The following PRKN variants were observed in gnomAD, a reference collection of about 807,000 sequenced individuals.
PRKN encodes the protein E3 ubiquitin-protein ligase parkin.
A neutral mutation model predicts 59.5 loss-of-function variants in PRKN; 56 were observed. The ratio of observed to expected loss-of-function variants is 0.94; its 90% CI spans 0.76 to 1.18. The LOEUF (loss-of-function observed/expected upper bound fraction) is 1.18, where lower values mean the gene tolerates loss of function less well. Ranked by LOEUF, PRKN falls within the 50% of genes most tolerant of loss-of-function variation. The probability of loss-of-function intolerance (pLI) is 0.00; values close to 1 mark genes in which losing one functional copy is unlikely to be tolerated. For missense variants in PRKN, 657 were observed against 596.4 expected (o/e 1.10, Z -1.06); for synonymous variants, 250 against 222.1 (o/e 1.13, Z -1.12).
At chr6:161,779,415 T>G (rs1215096678) in intron 7 of PRKN, among the ~76,000 whole-genome samples, 1 of 140,420 alleles carries the variant, frequency 7.1e-6, no homozygotes, top group Non-Finnish European at 1.5e-5. Flanking sequence ...TTTCTTTTCT[T>G]TTTTTTCTCT....
intron 6 of PRKN, among the ~76,000 whole-genome samples, chr6:161,883,652 TTTTA>T (rs1795026292): frequency 1.3e-5 from 2 of 152,078 alleles, no homozygotes; most frequent in Middle Eastern, 3.4e-3. Flanking sequence ...TTATTTTTAT[TTTTA>T]TTTTTTTTAT....
intron 2 of PRKN, among the ~76,000 whole-genome samples, chr6:162,312,052 C>T (rs971327690): frequency 4.6e-5 from 7 of 151,934 alleles, no homozygotes; most frequent in African/African-American, 9.7e-5. Flanking sequence ...AATCTTGCTT[C>T]GCAAACAGAA....
intron 1 of PRKN, among the ~76,000 whole-genome samples, chr6:162,704,616 G>A (rs1778273577): frequency 6.6e-6 from 1 of 152,150 alleles, no homozygotes; most frequent in Non-Finnish European, 1.5e-5. Context: ...GGGACAATCA[G>A]CTAAGAAATT....
rs185565817 is a variant in PRKN, at chr6:162,198,827, T to C, written c.534+2304A>G. On this transcript the variant is annotated intron_variant, in intron 4 of 11. Coordinates refer to ENST00000366898, the MANE Select transcript of PRKN (RefSeq NM_004562.3). ...CTGAGGATTACGACATGTCAGGCTC[T>C]GGTAAGTACCTACTATTAATGTACC... Among the ~76,000 whole-genome samples the C allele has an allele frequency of 1.3e-3, 201 of 152,272 alleles. 1 individual carries two copies. Among genetic ancestry groups the C allele is most frequent in the Admixed American group, 2.7e-3 (42 of 15,290 alleles).
In PRKN at chr6:161,352,726, AGTGT is replaced by A. The variant is rs373703677; in HGVS notation, c.1286-2519_1286-2516del. On this transcript the variant is annotated intron_variant, in intron 11 of 11. Coordinates refer to ENST00000366898, the MANE Select transcript of PRKN (RefSeq NM_004562.3). The surrounding 1 kb of genome is among the most constrained non-coding windows in gnomAD (Gnocchi z 5.8). ...TATATAAACACAAATATGTATGAAG[AGTGT>A]GTGTGTGTGTGTGTGTGTGTGTGTG... Among the ~76,000 whole-genome samples the A allele has an allele frequency of 5.8e-3, 745 of 128,510 alleles. 2 individuals carry two copies. Among genetic ancestry groups the A allele is most frequent in the Non-Finnish European group, 9.1e-3 (556 of 61,060 alleles). 84.3% of individuals were successfully genotyped at this position (128,510 alleles called of 152,430 possible).
chr6:162,003,573 A>C (rs1331214010), intron 5 of PRKN, among the ~76,000 whole-genome samples: 2 of 152,116 alleles, frequency 1.3e-5, no homozygotes. Context: ...TGCTGAGTTC[A>C]ACTATGTCCT....
In PRKN at chr6:161,458,498, A is replaced by C. The variant is rs1177911412; in HGVS notation, c.1084-71621T>G. Among the ~76,000 whole-genome samples, 1 of 152,176 alleles carries C rather than the reference A, an allele frequency of 6.6e-6. No individual in the cohort carries two copies. On this transcript the variant is annotated intron_variant, in intron 9 of 11. Transcript: ENST00000366898. The surrounding 1 kb of genome is among the most constrained non-coding windows in gnomAD (Gnocchi z 6.1). ...CTCCTAAAATGTCTGCATGCTGTTT[A>C]CTGCAGAGCCAGTGTTTGAACCAAA...
intron 4 of PRKN, among the ~76,000 whole-genome samples, chr6:162,179,841 A>T (rs1424769066): frequency 6.6e-6 from 1 of 152,160 alleles, no homozygotes; most frequent in Admixed American, 6.5e-5. Context: ...ACTACCAAGC[A>T]GCAAACAGAT....
chr6:162,726,869 C>T (rs1316020362), intron 1 of PRKN, among the ~76,000 whole-genome samples: 1 of 152,092 alleles, frequency 6.6e-6, no homozygotes, highest in African/African-American at 2.4e-5. Context: ...TCAGGGATAG[C>T]CCCTAAAGTA....
chr6:161,769,772 C>A (rs4708931), intron 7 of PRKN, among the ~76,000 whole-genome samples: 140,679 of 152,162 alleles, frequency 0.92, 65,233 homozygotes, highest in Middle Eastern at 0.97. Flanking sequence ...AGATATGGAC[C>A]AGGCCCAGTG....
At chr6:161,779,451 T>G (rs1790108479) in intron 7 of PRKN, among the ~76,000 whole-genome samples, 3 of 100,194 alleles carry the variant, frequency 3.0e-5, no homozygotes, top group Non-Finnish European at 4.1e-5. Context: ...TTTTTTTTTT[T>G]TTTTTTTTTT....
chr6:161,970,964 T>C (rs1326692040), intron 6 of PRKN, among the ~76,000 whole-genome samples: 1 of 152,178 alleles, frequency 6.6e-6, no homozygotes, highest in Non-Finnish European at 1.5e-5. Context: ...ATAATGTCCT[T>C]ACACGTGGAT....
intron 4 of PRKN, among the ~76,000 whole-genome samples, chr6:162,142,221 C>T (rs973616481): frequency 3.9e-5 from 6 of 152,138 alleles, no homozygotes; most frequent in Non-Finnish European, 2.9e-5. Context: ...GCTAAATGTA[C>T]AACCCCAGGT....
rs529824842 is a variant in PRKN at position 162,717,710 on chromosome 6, C to T, written c.7+9952G>A. ...CACAAAAACTAATACAGTAATCTGG[C>T]CATGCCCCGATAGTGTATAATATTA... On this transcript the variant is annotated intron_variant, in intron 1 of 11. Coordinates refer to ENST00000366898, the MANE Select transcript of PRKN (RefSeq NM_004562.3). 3.9e-5 allele frequency among the ~76,000 whole-genome samples: 6 copies of T among 152,280 alleles called. No individual in the cohort carries two copies. In the South Asian group the frequency reaches 1.2e-3, roughly 32 times the overall value.
At chr6:161,477,372 C>A (rs1234639820) in intron 9 of PRKN, among the ~76,000 whole-genome samples, 1 of 152,014 alleles carries the variant, frequency 6.6e-6, no homozygotes, top group East Asian at 1.9e-4. Context: ...ACAAAATTAT[C>A]CAGGCGTGGT....
At chr6:161,771,026 C>T (rs1310627742) in intron 7 of PRKN, among the ~76,000 whole-genome samples, 1 of 152,056 alleles carries the variant, frequency 6.6e-6, no homozygotes, top group Non-Finnish European at 1.5e-5. Flanking sequence ...GCCACCCGGG[C>T]TGCGGTATTT....
Position 161,461,626 on chromosome 6 carries a change from G to A in PRKN, c.1084-74749C>T, listed in dbSNP as rs1423580485. Among the ~76,000 whole-genome samples, 1 of 152,246 alleles carries A rather than the reference G, an allele frequency of 6.6e-6. No homozygotes were observed. Among genetic ancestry groups the A allele is most frequent in the South Asian group, 2.1e-4 (1 of 4,816 alleles). On this transcript the variant is annotated intron_variant, in intron 9 of 11. Transcript: ENST00000366898. The surrounding 1 kb of genome is among the most constrained non-coding windows in gnomAD (Gnocchi z 5.1). ...CAGCCACTGGAGATAAAAGGGTCTG[G>A]AATACATGCACGGAGGATTCTAAGT...
At chr6:161,802,673 C>T (rs982149962) in intron 6 of PRKN, among the ~76,000 whole-genome samples, 15 of 152,272 alleles carry the variant, frequency 9.9e-5, no homozygotes, top group Admixed American at 9.8e-4. Context: ...GGTGACCCCA[C>T]CCTACATTCC....
rs781111288 is a variant in PRKN at position 162,443,386 on chromosome 6, T to G, written c.95A>C (p.Lys32Thr). ...SIFQLKEVVA[K>T]RQGVPADQLR... ...CTGGTCAGCCGGAACCCCCTGTCGC[T>G]TAGCAACCACCTCCTTGAGCTGGAA... Residue 32 changes from lysine (K) to threonine (T), a missense_variant, in exon 2 of 12, where the codon AAG becomes ACG. Lys to Thr is a moderately conservative substitution (Grantham distance 78, BLOSUM62 -1). Coordinates refer to ENST00000366898, the MANE Select transcript of PRKN (RefSeq NM_004562.3). 9 of 1,613,934 alleles carry G rather than the reference T, an allele frequency of 5.6e-6. No homozygotes were observed. The highest frequency in any genetic ancestry group is 3.4e-4 in the Middle Eastern group (2 of 5,934).
Sources: allele counts gnomAD v4.1 joint callset (sites outside exome capture counted in the v4.1 genomes callset), GRCh38; gene constraint gnomAD v4.1.1; non-coding constraint Gnocchi (gnomAD v3.1); transcripts MANE v1.5; gene names NCBI Gene and HGNC (gene_info 2026-07-23, HGNC 2026-07-21).